Variants in DYSF observed in about 807,000 individuals in gnomAD.
The protein encoded by DYSF is dystrophy-associated fer-1-like 1.
A neutral mutation model predicts 274.9 loss-of-function variants in DYSF; 212 were observed. That is an observed-to-expected ratio of 0.77 (90% CI 0.69 to 0.86). The LOEUF (loss-of-function observed/expected upper bound fraction) is 0.86. DYSF is among the 40% of genes least tolerant of loss of function. The pLI, the probability that DYSF is intolerant of heterozygous loss-of-function variation, is 0.00. For missense variants in DYSF, 2,666 were observed against 2,783.2 expected, an observed-to-expected ratio of 0.96 and a Z score of 0.95; for synonymous variants, 1,091 against 1,078.7, an observed-to-expected ratio of 1.01 and a Z score of -0.22.
rs1369458560 is a variant in DYSF at position 71,651,280 on chromosome 2, A to G, written c.4627-4882A>G. Among the ~76,000 whole-genome samples, 3 of 152,194 alleles carry G rather than the reference A, an allele frequency of 2.0e-5. No homozygotes were observed. The East Asian group carries it at 5.8e-4, about 29-fold the overall frequency. On this transcript the variant is annotated intron_variant, in intron 42 of 55. Transcript: ENST00000410020. ...CTTTGATTGGAATGAATCAACTAAA[A>G]TAGATAACTCTTCAGCTAGTCTACT...
At chr2:71,568,399 C>A (rs2092236930) in intron 26 of DYSF, 61 bp downstream of exon 26, 5 of 1,593,294 alleles carry the variant, frequency 3.1e-6, no homozygotes, top group South Asian at 1.1e-5. Flanking sequence ...ATGGACTGCA[C>A]CCTCCTTTTG....
intron 41 of DYSF, among the ~76,000 whole-genome samples, chr2:71,624,865 T>TG (rs199708552): frequency 0.012 from 1,815 of 152,102 alleles, 30 homozygotes; most frequent in African/African-American, 0.042. Context: ...ACACATTTTC[T>TG]GGAGGGGATT....
At chr2:71,641,907 G>C (rs1030039061) in intron 41 of DYSF, among the ~76,000 whole-genome samples, 11 of 152,132 alleles carry the variant, frequency 7.2e-5, no homozygotes, top group African/African-American at 2.4e-4. Flanking sequence ...TTGCTCTGTG[G>C]CTTTTTTATT....
In DYSF at chr2:71,526,340, C is replaced by T. The variant is rs762086206; in HGVS notation, c.1270C>T (p.Pro424Ser). 5 of 1,613,704 alleles carry T rather than the reference C, an allele frequency of 3.1e-6. No individual in the cohort carries two copies. In the South Asian group the frequency reaches 3.3e-5, roughly 11 times the overall value. The part of the protein sequence containing the change: ...CLKVFRAEDL[P>S]QMDDAVMDNV... Reference sequence around the variant, plus strand: ...GAAGGTCTTCCGGGCCGAGGACTTGCCGCAGAGTGCGTGGGGCGCGCCCTT... The same window carrying T: ...GAAGGTCTTCCGGGCCGAGGACTTGTCGCAGAGTGCGTGGGGCGCGCCCTT... Residue 424 changes from proline (P) to serine (S), a missense_variant, in exon 13 of 56, where the codon CCG (proline) becomes TCG (serine). Pro to Ser is a moderately conservative substitution (Grantham distance 74, BLOSUM62 -1). Coordinates refer to ENST00000410020, the MANE Select transcript of DYSF (RefSeq NM_001130987.2).
chr2:71,654,096 A>G (rs2472688), intron 42 of DYSF, among the ~76,000 whole-genome samples: 93,267 of 152,076 alleles, frequency 0.61, 29,958 homozygotes, highest in Middle Eastern at 0.72. Context: ...TGGAAAATGT[A>G]CAAATGACAA....
At chr2:71,584,910 A>G (rs762621187) in intron 30 of DYSF, among the ~76,000 whole-genome samples, 9 of 152,224 alleles carry the variant, frequency 5.9e-5, no homozygotes, top group Non-Finnish European at 1.0e-4. Flanking sequence ...GTGGCAGAGG[A>G]AAGGTTATGA....
chr2:71,480,941 A>G lies in DYSF; in HGVS notation c.147+3A>G. 6.2e-7 allele frequency: 1 copy of G among 1,613,926 alleles called. No homozygotes were observed. Among genetic ancestry groups the G allele is most frequent in the Non-Finnish European group, 8.5e-7 (1 of 1,179,772 alleles). On this transcript the variant is annotated splice_donor_region_variant and intron_variant, in intron 2 of 55. Coordinates refer to ENST00000410020, the MANE Select transcript of DYSF (RefSeq NM_001130987.2). Reference sequence around the variant, plus strand: ...GCGTGAACCCTGTATGGAATGAGGTATGTGAGTTTTTCTCCTTCCTTTTCT... The same window carrying G: ...GCGTGAACCCTGTATGGAATGAGGTGTGTGAGTTTTTCTCCTTCCTTTTCT...
At chr2:71,665,795 T>G (rs1032353604) in intron 47 of DYSF, among the ~76,000 whole-genome samples, 2 of 152,172 alleles carry the variant, frequency 1.3e-5, no homozygotes, top group African/African-American at 2.4e-5. Context: ...CAGGCAGGCC[T>G]TGTAGTGCCC....
At chr2:71,656,770 T>A (rs1243106632) in intron 43 of DYSF, among the ~76,000 whole-genome samples, 1 of 152,108 alleles carries the variant, frequency 6.6e-6, no homozygotes, top group Admixed American at 6.5e-5. Context: ...TTGTGAGACT[T>A]ATTCACCACC....
chr2:71,547,095 A>C (rs2090535957), intron 17 of DYSF, among the ~76,000 whole-genome samples: 1 of 152,206 alleles, frequency 6.6e-6, no homozygotes, highest in Non-Finnish European at 1.5e-5. Context: ...ACAATAAAAC[A>C]CTTGTGTTTT....
intron 41 of DYSF, among the ~76,000 whole-genome samples, chr2:71,626,229 G>A (rs1447670160): frequency 1.3e-5 from 2 of 151,648 alleles, no homozygotes; most frequent in African/African-American, 4.8e-5. Flanking sequence ...ATTTTAAAAT[G>A]AATGTTTTTA....
intron 46 of DYSF, 69 bp downstream of exon 46, chr2:71,664,507 C>T (rs1220432108): frequency 1.3e-6 from 2 of 1,582,034 alleles, no homozygotes; most frequent in Non-Finnish European, 1.7e-6. Context: ...TGACAACACA[C>T]CACCACTGAG....
At chr2:71,661,116 C>CAAAAAAAAAAAAA (rs55761719) in intron 45 of DYSF, among the ~76,000 whole-genome samples, 3 of 85,938 alleles carry the variant, frequency 3.5e-5, no homozygotes, top group Non-Finnish European at 4.6e-5. Flanking sequence ...AACCCTGTCT[C>CAAAAAAAAAAAAA]AAAAAAAAAA....
At chr2:71,484,045 CTTTTTTTTTTTT>C (rs59780652) in intron 3 of DYSF, among the ~76,000 whole-genome samples, 1 of 67,548 alleles carries the variant, frequency 1.5e-5, no homozygotes, top group Non-Finnish European at 2.5e-5. Flanking sequence ...GGAGATTTCC[CTTTTTTTTTTTT>C]TTTTTTTTTT....
At chr2:71,567,077 GT>G (rs1283782165) in intron 24 of DYSF, among the ~76,000 whole-genome samples, 1 of 152,222 alleles carries the variant, frequency 6.6e-6, no homozygotes, top group African/African-American at 2.4e-5. Flanking sequence ...AGGGGACAAT[GT>G]GAATTTTAAG....
intron 55 of DYSF, among the ~76,000 whole-genome samples, chr2:71,684,827 C>T (rs2095336744): frequency 6.6e-6 from 1 of 152,200 alleles, no homozygotes; most frequent in Non-Finnish European, 1.5e-5. Flanking sequence ...CTTCCTGTGA[C>T]CTTGGCAAAT....
intron 45 of DYSF, among the ~76,000 whole-genome samples, chr2:71,662,860 C>T (rs1446864899): frequency 5.8e-5 from 4 of 69,042 alleles, no homozygotes; most frequent in African/African-American, 1.3e-4. Context: ...GTGTGTGTGT[C>T]TGTGTCCATG....
intron 46 of DYSF, among the ~76,000 whole-genome samples, chr2:71,664,701 CT>C (rs2094963216): frequency 6.6e-6 from 1 of 152,166 alleles, no homozygotes; most frequent in African/African-American, 2.4e-5. Flanking sequence ...ATCCAGTTAT[CT>C]GTAATGCACA....
In DYSF at chr2:71,534,922, C is replaced by T. The variant is rs1414995651; in HGVS notation, c.1381-99C>T. 22 of 1,322,600 alleles carry T rather than the reference C, an allele frequency of 1.7e-5. 1 individual carries two copies. Among genetic ancestry groups the T allele is most frequent in the Non-Finnish European group, 2.1e-5 (19 of 917,718 alleles). 81.9% of individuals were successfully genotyped at this position (1,322,600 alleles called of 1,614,324 possible). On this transcript the variant is annotated intron_variant, in intron 14 of 55. Transcript: ENST00000410020. ...TCTTACACCCAGCCCTAAGGGCAGC[C>T]AGCATGGCAGAGAATGGTCACTGGC...
Sources: allele counts gnomAD v4.1 joint callset (sites outside exome capture counted in the v4.1 genomes callset), GRCh38; gene constraint gnomAD v4.1.1; transcripts MANE v1.5; gene names NCBI Gene and HGNC (gene_info 2026-07-23, HGNC 2026-07-21).